Variants in SDHA observed in about 807,000 individuals in gnomAD.
The protein encoded by SDHA is succinate dehydrogenase [ubiquinone] flavoprotein subunit, mitochondrial.
In SDHA, 48 loss-of-function variants were observed where a neutral mutation model predicts 78.4. That is an observed-to-expected ratio of 0.61 (90% confidence interval 0.49 to 0.78). SDHA has a LOEUF of 0.78. Ranked by LOEUF, SDHA falls within the 30% of genes least tolerant of loss-of-function variation. The pLI, the probability that SDHA is intolerant of heterozygous loss-of-function variation, is 0.00. For missense variants in SDHA, 680 were observed against 892.7 expected, an observed-to-expected ratio of 0.76 and a Z score of 3.04; for synonymous variants, 326 against 353.9, an observed-to-expected ratio of 0.92 and a Z score of 0.88.
intron 11 of SDHA, chr5:249,019 G>A: frequency 5.0e-6 from 2 of 397,004 alleles, no homozygotes; most frequent in Non-Finnish European, 9.6e-6. Context: ...GCATCTAGAA[G>A]GACACCGTAC....
At chr5:238,334 CTT>C (rs902125529) in intron 10 of SDHA, among the ~76,000 whole-genome samples, 5 of 151,760 alleles carry the variant, frequency 3.3e-5, no homozygotes, top group Non-Finnish European at 7.4e-5. Context: ...TTTACTGTAT[CTT>C]TATGCTTTAA....
chr5:251,518 G>A, intron 13 of SDHA, 50 bp downstream of exon 13: 2 of 1,613,020 alleles, frequency 1.2e-6, no homozygotes, highest in Non-Finnish European at 1.7e-6. Context: ...CTGCCACCTG[G>A]TGGGACTCAG....
chr5:256,393 C>G lies in SDHA; in HGVS notation c.1968C>G (p.Thr656=). The G allele has an allele frequency of 6.2e-7, 1 of 1,609,278 alleles. No individual in the cohort carries two copies. The highest frequency in any genetic ancestry group is 8.5e-7 in the Non-Finnish European group (1 of 1,175,674). ...DKTLNEADCA[T]VPPAIRSY ...CTTTGAACGAGGCTGACTGTGCCAC[C>G]GTCCCGCCAGCCATTCGCTCCTACT... The change falls in exon 15 of 15, where the codon ACC becomes ACG. Residue 656 remains threonine, a synonymous_variant. Transcript: ENST00000264932.
rs1360537551 is a variant in SDHA at position 230,872 on chromosome 5, C to T, written c.771-4C>T. On this transcript the variant is annotated splice_polypyrimidine_tract_variant and splice_region_variant and intron_variant, in intron 6 of 14. Coordinates refer to ENST00000264932, the MANE Select transcript of SDHA (RefSeq NM_004168.4). ...GTGCAGTCACTGCTCTCTATTGTTT[C>T]CAGAGGCTACGGGCGCACCTACTTC... The T allele has an allele frequency of 2.5e-6, 4 of 1,613,242 alleles. No individual in the cohort carries two copies. In the African/African-American group the frequency reaches 5.3e-5, roughly 22 times the overall value.
At chr5:242,033 G>A (rs960304681) in intron 11 of SDHA, among the ~76,000 whole-genome samples, 2 of 152,248 alleles carry the variant, frequency 1.3e-5, no homozygotes, top group Non-Finnish European at 2.9e-5. Flanking sequence ...AACATGGTGT[G>A]TCTTGGTGCC....
chr5:264,336 G>A, the SDHA span, among the ~76,000 whole-genome samples: 1 of 152,222 alleles, frequency 6.6e-6, no homozygotes, highest in African/African-American at 2.4e-5. Flanking sequence ...CCAACCCTGA[G>A]ACCAAAATTT....
At chr5:251,591 C>CT in intron 13 of SDHA, 123 bp downstream of exon 13, 2 of 1,560,490 alleles carry the variant, frequency 1.3e-6, no homozygotes, top group Non-Finnish European at 1.7e-6. Context: ...CAAAAAATGC[C>CT]TTTTTCCCCC....
Position 245,642 on chromosome 5 carries a change from T to C in SDHA, c.1551+5166T>C, listed in dbSNP as rs58054698. Among the ~76,000 whole-genome samples the C allele has an allele frequency of 2.5e-3, 376 of 152,378 alleles. 1 individual carries two copies. The highest frequency in any genetic ancestry group is 8.8e-3 in the African/African-American group (365 of 41,594). ...TCAATTTCTGGTGCTGGTTTAATTA[T>C]AGCTCCTAACAAAATCCAGATTACT... On this transcript the variant is annotated intron_variant, in intron 11 of 14. Transcript: ENST00000264932.
intron 13 of SDHA, among the ~76,000 whole-genome samples, chr5:253,769 A>G (rs1350851234): frequency 1.3e-5 from 2 of 152,108 alleles, no homozygotes; most frequent in African/African-American, 4.8e-5. Context: ...GTCAGTTTTA[A>G]TTAGAATAGA....
chr5:236,524 G>A lies in SDHA; in HGVS notation c.1357G>A (p.Gly453Arg), dbSNP rs770028533. 4.3e-6 allele frequency: 7 copies of A among 1,613,942 alleles called. No individual in the cohort carries two copies. Among genetic ancestry groups the A allele is most frequent in the Non-Finnish European group, 5.9e-6 (7 of 1,179,890 alleles). The change falls in exon 10 of 15, where the codon GGG (glycine) becomes AGG (arginine). Residue 453 changes from glycine to arginine, a missense_variant. Physicochemically the swap from Gly to Arg is moderately radical, Grantham distance 125. Coordinates refer to ENST00000264932, the MANE Select transcript of SDHA (RefSeq NM_004168.4). Reference protein sequence around the residue: ...CASVHGANRLGANSLLDLVVF... With the variant: ...CASVHGANRLRANSLLDLVVF... ...CTCGGTACATGGTGCCAACCGCCTC[G>A]GGGCAAACTCGCTCTTGGACCTGGT...
chr5:256,248 T>G, intron 14 of SDHA, 86 bp from the exon 15 acceptor site: 3 of 965,748 alleles, frequency 3.1e-6, no homozygotes, highest in Non-Finnish European at 5.1e-6. Flanking sequence ...AATCTACTTT[T>G]ATAGTTAAAA....
intron 6 of SDHA, among the ~76,000 whole-genome samples, chr5:229,480 T>C (rs978011982): frequency 2.0e-5 from 3 of 152,246 alleles, no homozygotes; most frequent in Non-Finnish European, 4.4e-5. Flanking sequence ...AGTCATTATG[T>C]TAAGTGAAAC....
Position 254,523 on chromosome 5 carries a change from T to C in SDHA, c.1908+17T>C, listed in dbSNP as rs1161594537. 6.5e-7 allele frequency: 1 copy of C among 1,536,062 alleles called. No individual in the cohort carries two copies. The highest frequency in any genetic ancestry group is 2.3e-4 in the Middle Eastern group (1 of 4,298). ...ACTGGGAAGGTCAGTGTGGAGCTCG[T>C]TCTCACCACAGCCCAGCACCCACAC... On this transcript the variant is annotated intron_variant, in intron 14 of 14. Coordinates refer to ENST00000264932, the MANE Select transcript of SDHA (RefSeq NM_004168.4).
chr5:218,338 G>A lies in SDHA; in HGVS notation c.-18G>A. The A allele has an allele frequency of 1.4e-6, 2 of 1,444,798 alleles. No homozygotes were observed. The highest frequency in any genetic ancestry group is 1.8e-6 in the Non-Finnish European group (2 of 1,107,634). The allele number at this position is 1,444,798 out of a possible 1,614,324, so 89.5% of individuals were successfully genotyped here. A position where few individuals can be genotyped will look rare whatever the true frequency, so the allele number is the denominator to read the frequency against. ...TCTGCGCAGGGACTGGCGGGACTGC[G>A]CGGCGGCAACAGCAGACATGTCGGG... On this transcript the variant is annotated 5_prime_UTR_variant, in exon 1 of 15. Transcript: ENST00000264932.
intron 1 of SDHA, among the ~76,000 whole-genome samples, chr5:221,512 T>C (rs1288396494): frequency 6.6e-6 from 1 of 152,234 alleles, no homozygotes; most frequent in African/African-American, 2.4e-5. Flanking sequence ...CTTACTTTGC[T>C]AGATTTCGGA....
the SDHA span, among the ~76,000 whole-genome samples, chr5:268,012 C>G: frequency 6.6e-6 from 1 of 152,164 alleles, no homozygotes; most frequent in Non-Finnish European, 1.5e-5. Context: ...TTGTCCCAAG[C>G]AGCACAGCCC....
In SDHA at chr5:236,523, C is replaced by T. The variant is rs748496836; in HGVS notation, c.1356C>T (p.Leu452=). ...ACASVHGANR[L]GANSLLDLVV... ...CCTCGGTACATGGTGCCAACCGCCT[C>T]GGGGCAAACTCGCTCTTGGACCTGG... The change falls in exon 10 of 15, where the codon CTC becomes CTT. Residue 452 remains leucine (L), a synonymous_variant. Transcript: ENST00000264932. 1.9e-5 allele frequency: 31 copies of T among 1,613,918 alleles called. No individual in the cohort carries two copies. The Admixed American group carries it at 3.0e-4, about 16-fold the overall frequency.
rs1486985875 is a variant in SDHA at position 237,402 on chromosome 5, T to C, written c.1432+803T>C. 1.5e-5 allele frequency among the ~76,000 whole-genome samples: 2 copies of C among 133,750 alleles called. 1 individual carries two copies. Among genetic ancestry groups the C allele is most frequent in the African/African-American group, 7.3e-5 (2 of 27,334 alleles). 87.7% of individuals were successfully genotyped at this position (133,750 alleles called of 152,430 possible). A position where few individuals can be genotyped will look rare whatever the true frequency, so the allele number is the denominator to read the frequency against. On this transcript the variant is annotated intron_variant, in intron 10 of 14. Transcript: ENST00000264932. ...AGGATTCCCACCCTTTACGGACAGA[T>C]TGGATTTCACTTGCTGGTTTTCTTT...
intron 1 of SDHA, among the ~76,000 whole-genome samples, chr5:218,853 G>C (rs1426089155): frequency 2.0e-5 from 3 of 152,292 alleles, no homozygotes; most frequent in African/African-American, 7.2e-5. Context: ...CCTCTGTGCG[G>C]GTTGTCCTGA....
Sources: allele counts gnomAD v4.1 joint callset (sites outside exome capture counted in the v4.1 genomes callset), GRCh38; gene constraint gnomAD v4.1.1; transcripts MANE v1.5; gene names NCBI Gene and HGNC (gene_info 2026-07-23, HGNC 2026-07-21).